The following RDX variants were observed in gnomAD, a reference collection of about 807,000 sequenced individuals.
The protein encoded by RDX is radixin.
In RDX, 32 loss-of-function variants were observed where a neutral mutation model predicts 83.7. The observed-to-expected ratio is 0.38, with a 90% confidence interval of 0.29 to 0.51. The LOEUF is 0.51. Ranked by LOEUF, RDX falls within the 20% of genes least tolerant of loss-of-function variation. The pLI is 0.87. For missense variants in RDX, 600 were observed against 689.9 expected (o/e 0.87, Z 1.46); for synonymous variants, 229 against 222.7 (o/e 1.03, Z -0.25).
chr11:110,262,355 C>A (rs1225193156), intron 5 of RDX, among the ~76,000 whole-genome samples: 1 of 151,952 alleles, frequency 6.6e-6, no homozygotes, highest in Non-Finnish European at 1.5e-5. Flanking sequence ...GAGGCCGAAG[C>A]GGGTGGATCA....
chr11:110,261,166 C>T (rs1859788663), intron 5 of RDX, among the ~76,000 whole-genome samples: 1 of 152,152 alleles, frequency 6.6e-6, no homozygotes, highest in Non-Finnish European at 1.5e-5. Context: ...AAATAAATAC[C>T]AGATATCTCT....
intron 15 of RDX, among the ~76,000 whole-genome samples, chr11:110,183,917 C>A (rs1407457184): frequency 2.6e-5 from 4 of 152,242 alleles, no homozygotes; most frequent in African/African-American, 9.6e-5. Context: ...ATGCTTAGGA[C>A]TAGGCCGTGC....
At chr11:110,246,777 G>A (rs1859124311) in intron 10 of RDX, among the ~76,000 whole-genome samples, 1 of 151,236 alleles carries the variant, frequency 6.6e-6, no homozygotes, top group East Asian at 1.9e-4. Context: ...TCCGATTTTG[G>A]ATTTTCAGAT....
intron 15 of RDX, among the ~76,000 whole-genome samples, chr11:110,189,811 T>C (rs549459806): frequency 6.6e-6 from 1 of 152,278 alleles, no homozygotes; most frequent in Admixed American, 6.5e-5. Context: ...TGGCCAGGTG[T>C]GGTGGCTCAT....
At chr11:110,179,904 T>TTTTTTTTTTTTTTTTTTTTTTTTC in intron 15 of RDX, 2 of 93,912 alleles carry the variant, frequency 2.1e-5, no homozygotes, top group Non-Finnish European at 3.9e-5. Flanking sequence ...TTCTTTTTTC[T>TTTTTTTTTTTTTTTTTTTTTTTTC]TTTTTTTTTT....
intron 15 of RDX, among the ~76,000 whole-genome samples, chr11:110,183,415 A>G (rs1268123653): frequency 6.6e-6 from 1 of 151,940 alleles, no homozygotes; most frequent in East Asian, 1.9e-4. Context: ...GCAGCTGCAA[A>G]CTCCTGGGCT....
At chr11:110,223,209 A>G (rs1198133400) in intron 14 of RDX, among the ~76,000 whole-genome samples, 1 of 151,978 alleles carries the variant, frequency 6.6e-6, no homozygotes, top group African/African-American at 2.4e-5. Flanking sequence ...AAAATTAGCC[A>G]GGCGTGGTGG....
intron 3 of RDX, among the ~76,000 whole-genome samples, chr11:110,265,499 A>AAT (rs5794684): frequency 0.012 from 1,780 of 147,504 alleles, 28 homozygotes; most frequent in East Asian, 0.085. Context: ...GAGTCTTGAA[A>AAT]ATATATATAT....
At chr11:110,235,734 T>C (rs1346010925) in intron 12 of RDX, among the ~76,000 whole-genome samples, 2 of 152,320 alleles carry the variant, frequency 1.3e-5, no homozygotes, top group East Asian at 1.9e-4. Context: ...ATCTATTATA[T>C]ACATTCATAC....
Position 110,231,526 on chromosome 11 carries a change from C to T in RDX, c.*343G>A, listed in dbSNP as rs190627175. On this transcript the variant is annotated 3_prime_UTR_variant, in exon 14 of 14. Transcript: ENST00000645495. ...ACCCATTAAAATGTTCACCATTATC[C>T]TTTAAAATGTACACAGAACTGAAAC... 1.4e-3 allele frequency: 426 copies of T among 308,952 alleles called. 1 individual carries two copies. The highest frequency in any genetic ancestry group is 9.0e-3 in the African/African-American group (417 of 46,540). The allele number at this position is 308,952 out of a possible 1,614,324, so 19.1% of individuals were successfully genotyped here.
chr11:110,238,120 G>A (rs544363483), intron 10 of RDX, among the ~76,000 whole-genome samples: 2 of 152,084 alleles, frequency 1.3e-5, no homozygotes, highest in East Asian at 1.9e-4. Context: ...CTTCCATTAA[G>A]GTTTTACTTA....
chr11:110,194,118 G>A (rs1863155725), intron 15 of RDX, among the ~76,000 whole-genome samples: 1 of 152,258 alleles, frequency 6.6e-6, no homozygotes, highest in Non-Finnish European at 1.5e-5. Flanking sequence ...AGTAAGAACA[G>A]ATGTGGCACA....
At chr11:110,255,266 A>G in intron 8 of RDX, 23 bp downstream of exon 8, 1 of 1,252,538 alleles carries the variant, frequency 8.0e-7, no homozygotes, top group Non-Finnish European at 1.2e-6. Context: ...GTTAATACAC[A>G]AAATATTAAA....
downstream of RDX, among the ~76,000 whole-genome samples, chr11:110,227,109 A>C (rs1864459781): frequency 6.6e-6 from 1 of 152,146 alleles, no homozygotes; most frequent in Non-Finnish European, 1.5e-5. Context: ...GAGGGAGGAG[A>C]TAGATATTCC....
At chr11:110,177,690 G>A (rs773923050) in intron 15 of RDX, among the ~76,000 whole-genome samples, 1 of 152,076 alleles carries the variant, frequency 6.6e-6, no homozygotes, top group African/African-American at 2.4e-5. Flanking sequence ...TGCCATGTTG[G>A]CCAGGCTGGT....
At chr11:110,265,801 T>C (rs1309595098) in intron 3 of RDX, among the ~76,000 whole-genome samples, 1 of 152,196 alleles carries the variant, frequency 6.6e-6, no homozygotes, top group African/African-American at 2.4e-5. Context: ...CTTCTGTGAA[T>C]AAAGCTCTCC....
chr11:110,260,472 C>G (rs112568400), intron 5 of RDX, among the ~76,000 whole-genome samples: 1 of 151,894 alleles, frequency 6.6e-6, no homozygotes, highest in African/African-American at 2.4e-5. Flanking sequence ...GATGGAGTCT[C>G]GCTCTGTCGC....
intron 14 of RDX, among the ~76,000 whole-genome samples, chr11:110,219,579 G>A (rs1864176010): frequency 6.6e-6 from 1 of 152,078 alleles, no homozygotes; most frequent in Admixed American, 6.6e-5. Flanking sequence ...TCACATTCTG[G>A]ATACATTATG....
At chr11:110,237,904 T>TA in intron 10 of RDX, 1 of 518,802 alleles carries the variant, frequency 1.9e-6, no homozygotes, top group Non-Finnish European at 3.6e-6. Context: ...CCCAAGTAGC[T>TA]AGGACTACAG....
Sources: allele counts gnomAD v4.1 joint callset (sites outside exome capture counted in the v4.1 genomes callset), GRCh38; gene constraint gnomAD v4.1.1; transcripts MANE v1.5; gene names NCBI Gene and HGNC (gene_info 2026-07-23, HGNC 2026-07-21).